The following LHFPL3 variants were observed in gnomAD, a reference collection of about 807,000 sequenced individuals.
LHFPL3 encodes the protein LHFPL tetraspan subfamily member 3 protein.
LHFPL3 carries 5 observed loss-of-function variants against 19.3 expected under a neutral mutation model. That is an observed-to-expected ratio of 0.26 (90% CI 0.14 to 0.54). The LOEUF is 0.54. LHFPL3 is among the 20% of genes least tolerant of loss of function. LHFPL3 has a pLI of 0.94. For missense variants in LHFPL3, 249 were observed against 307.4 expected, an observed-to-expected ratio of 0.81 and a Z score of 1.42; for synonymous variants, 133 against 126.2, an observed-to-expected ratio of 1.05 and a Z score of -0.36.
intron 2 of LHFPL3, among the ~76,000 whole-genome samples, chr7:104,764,762 T>A (rs928286362): frequency 6.6e-6 from 1 of 152,242 alleles, no homozygotes; most frequent in Admixed American, 6.5e-5. Context: ...ACTGTGTTGT[T>A]AGTATTTATA....
chr7:104,595,669 G>A lies in LHFPL3; in HGVS notation c.446-141006G>A, dbSNP rs139903472. ...TGTTCCGCTATGCCCTACCCACAGA[G>A]GTGGAGTCTAGAGGCAGTAGGCCTT... On this transcript the variant is annotated intron_variant, in intron 1 of 2. Coordinates refer to ENST00000424859, the MANE Select transcript of LHFPL3 (RefSeq NM_199000.3). Among the ~76,000 whole-genome samples, 624 of 152,380 alleles carry A rather than the reference G, an allele frequency of 4.1e-3. 35 individuals carry two copies. In the East Asian group the frequency reaches 0.1, roughly 24 times the overall value.
intron 1 of LHFPL3, among the ~76,000 whole-genome samples, chr7:104,421,598 G>A (rs1187528815): frequency 1.3e-5 from 2 of 152,200 alleles, no homozygotes; most frequent in Non-Finnish European, 2.9e-5. Flanking sequence ...CTCAGCCAGA[G>A]AAGCCAGAGA....
chr7:104,754,980 C>A (rs1794254768), intron 2 of LHFPL3, among the ~76,000 whole-genome samples: 1 of 152,084 alleles, frequency 6.6e-6, no homozygotes, highest in African/African-American at 2.4e-5. Flanking sequence ...AGGGGAGGAT[C>A]CGGGGTCTGC....
chr7:104,497,872 T>G (rs1480137505), intron 1 of LHFPL3, among the ~76,000 whole-genome samples: 2 of 152,140 alleles, frequency 1.3e-5, no homozygotes, highest in African/African-American at 4.8e-5. Flanking sequence ...CCCTGACACC[T>G]GAGTCACAAG....
intron 1 of LHFPL3, among the ~76,000 whole-genome samples, chr7:104,538,412 T>C (rs538867652): frequency 6.6e-6 from 1 of 152,304 alleles, no homozygotes; most frequent in Admixed American, 6.5e-5. Context: ...TTAGAGGTCT[T>C]ATGGGGCCAT....
At chr7:104,633,535 A>G (rs1283980599) in intron 1 of LHFPL3, among the ~76,000 whole-genome samples, 1 of 152,184 alleles carries the variant, frequency 6.6e-6, no homozygotes, top group African/African-American at 2.4e-5. Flanking sequence ...TGAGCCAGGA[A>G]TAATTTTGTT....
chr7:104,851,497 T>C (rs1404420722), intron 2 of LHFPL3, among the ~76,000 whole-genome samples: 3 of 152,112 alleles, frequency 2.0e-5, no homozygotes, highest in African/African-American at 7.2e-5. Flanking sequence ...GGGAAAAAAA[T>C]GGCTTTCAAA....
At chr7:104,663,205 A>G (rs1792264438) in intron 1 of LHFPL3, among the ~76,000 whole-genome samples, 2 of 152,198 alleles carry the variant, frequency 1.3e-5, no homozygotes, top group African/African-American at 4.8e-5. Flanking sequence ...GGAATCTGAA[A>G]TGCTTTATGG....
chr7:104,835,310 T>C (rs916324330), intron 2 of LHFPL3, among the ~76,000 whole-genome samples: 3 of 152,024 alleles, frequency 2.0e-5, no homozygotes, highest in Non-Finnish European at 2.9e-5. Flanking sequence ...CTGTGTGTTC[T>C]TCTAGTCAAA....
chr7:104,332,864 G>A (rs73193603), intron 1 of LHFPL3, among the ~76,000 whole-genome samples: 1,565 of 147,666 alleles, frequency 0.011, 14 homozygotes, highest in Non-Finnish European at 0.019. Flanking sequence ...AAAAACTGGA[G>A]ACATAAAAAT....
chr7:104,394,442 T>A (rs4727598), intron 1 of LHFPL3, among the ~76,000 whole-genome samples: 70,484 of 151,816 alleles, frequency 0.46, 16,760 homozygotes, highest in Admixed American at 0.55. Context: ...TCTTTAAAAA[T>A]TTTTTTCATA....
intron 1 of LHFPL3, among the ~76,000 whole-genome samples, chr7:104,495,373 A>T (rs1289764126): frequency 8.2e-6 from 1 of 121,918 alleles, no homozygotes. Flanking sequence ...ATGTCTGGCT[A>T]TTTAAAAAAA....
At chr7:104,455,090 G>C (rs985529329) in intron 1 of LHFPL3, among the ~76,000 whole-genome samples, 4 of 152,072 alleles carry the variant, frequency 2.6e-5, no homozygotes, top group Non-Finnish European at 5.9e-5. Context: ...ATTTAATCTT[G>C]ATGCACAAAT....
intron 2 of LHFPL3, among the ~76,000 whole-genome samples, chr7:104,817,691 A>T (rs1250850626): frequency 2.0e-5 from 3 of 152,046 alleles, no homozygotes; most frequent in Non-Finnish European, 1.5e-5. Context: ...AATTCTAGGT[A>T]CAGGACCACA....
chr7:104,704,505 T>C (rs552181508), intron 1 of LHFPL3, among the ~76,000 whole-genome samples: 2 of 149,470 alleles, frequency 1.3e-5, no homozygotes, highest in African/African-American at 4.9e-5. Context: ...TTTCTTTCCA[T>C]TTCCATGAGG....
At position 104,328,842 on chromosome 7, in the gene LHFPL3, T is replaced by A; in HGVS notation, c.63T>A (p.Ala21=). Residue 21 remains alanine (A), a synonymous_variant, in exon 1 of 3, where the codon GCT becomes GCA. Coordinates refer to ENST00000424859, the MANE Select transcript of LHFPL3 (RefSeq NM_199000.3). The surrounding 1 kb of genome is among the most constrained non-coding windows in gnomAD (Gnocchi z 4.6). ...CCGCGATGCTCCCGGCTCAGGAGGC[T>A]GCCAAGCTGTACCACACCAACTATG... ...AAAAMLPAQE[A]AKLYHTNYVR... is the part of the protein sequence containing the mutation. 2.5e-6 allele frequency: 4 copies of A among 1,613,948 alleles called. No homozygotes were observed. Among genetic ancestry groups the A allele is most frequent in the Non-Finnish European group, 3.4e-6 (4 of 1,179,972 alleles).
chr7:104,680,236 T>G (rs1424434188), intron 1 of LHFPL3, among the ~76,000 whole-genome samples: 1 of 152,166 alleles, frequency 6.6e-6, no homozygotes, highest in Non-Finnish European at 1.5e-5. Context: ...CTGCCTCCCC[T>G]CCTCAGCAGG....
At chr7:104,787,942 T>G (rs1264436833) in intron 2 of LHFPL3, among the ~76,000 whole-genome samples, 2 of 152,178 alleles carry the variant, frequency 1.3e-5, no homozygotes, top group Non-Finnish European at 2.9e-5. Flanking sequence ...GGTTAGGTTT[T>G]CAACAAATGA....
At chr7:104,691,756 C>T (rs765181419) in intron 1 of LHFPL3, among the ~76,000 whole-genome samples, 9 of 152,170 alleles carry the variant, frequency 5.9e-5, no homozygotes, top group Non-Finnish European at 1.2e-4. Flanking sequence ...AGTGCCTCAC[C>T]AAAGGGTGAC....
Sources: gnomAD v4.1 joint callset for allele counts (sites outside exome capture counted in the v4.1 genomes callset) on GRCh38, gnomAD v4.1.1 for gene constraint, Gnocchi (gnomAD v3.1) non-coding constraint, MANE v1.5 for transcripts, NCBI Gene and HGNC (gene_info 2026-07-23, HGNC 2026-07-21) for gene names.